ENTREP2: variants seen among roughly 807,000 people sequenced by gnomAD.
The protein encoded by ENTREP2 is endosomal transmembrane epsin interactor 2, also known as protein ENTREP2.
chr15:29,672,910 A>G, the ENTREP2 span, among the ~76,000 whole-genome samples: 1 of 151,934 alleles, frequency 6.6e-6, no homozygotes, highest in Non-Finnish European at 1.5e-5. Flanking sequence ...CAAGTTGGTG[A>G]CTCCATAGGC....
the ENTREP2 span, among the ~76,000 whole-genome samples, chr15:29,171,861 T>C: frequency 6.6e-6 from 1 of 152,214 alleles, no homozygotes; most frequent in East Asian, 1.9e-4. Context: ...CCTAGAATCT[T>C]TTTTCATGAG....
chr15:29,546,274 AG>A, the ENTREP2 span, among the ~76,000 whole-genome samples: 2 of 152,240 alleles, frequency 1.3e-5, no homozygotes, highest in African/African-American at 4.8e-5. Context: ...ACACAGTGGA[AG>A]GAAAGCAATG....
At chr15:29,248,230 G>A in the ENTREP2 span, among the ~76,000 whole-genome samples, 4 of 151,864 alleles carry the variant, frequency 2.6e-5, no homozygotes, top group East Asian at 7.7e-4. Context: ...ATACTAAAGA[G>A]TTAACTATAT....
chr15:29,496,179 CTTAAT>C, the ENTREP2 span, among the ~76,000 whole-genome samples: 2,054 of 151,632 alleles, frequency 0.014, 41 homozygotes, highest in African/African-American at 0.047. Context: ...AGACTGATTT[CTTAAT>C]TTCTTTTTCT....
chr15:29,333,009 T>C, the ENTREP2 span, among the ~76,000 whole-genome samples: 1 of 150,956 alleles, frequency 6.6e-6, no homozygotes, highest in African/African-American at 2.4e-5. Context: ...AGCATGAGTC[T>C]TTCTAAAGTG....
At chr15:29,227,626 T>G in the ENTREP2 span, among the ~76,000 whole-genome samples, 1 of 151,370 alleles carries the variant, frequency 6.6e-6, no homozygotes, top group East Asian at 2.0e-4. Context: ...TAAATCTGCT[T>G]CCCCCACACC....
At chr15:29,377,319 T>G in the ENTREP2 span, among the ~76,000 whole-genome samples, 1 of 152,082 alleles carries the variant, frequency 6.6e-6, no homozygotes, top group East Asian at 1.9e-4. Context: ...TGGGAAACCA[T>G]GAAGGGCTTA....
At chr15:29,516,949 A>G in the ENTREP2 span, among the ~76,000 whole-genome samples, 4 of 148,940 alleles carry the variant, frequency 2.7e-5, no homozygotes, top group African/African-American at 5.0e-5. Flanking sequence ...GAATTTAAGG[A>G]AATAAAACAA....
the ENTREP2 span, among the ~76,000 whole-genome samples, chr15:29,594,018 G>A: frequency 6.6e-6 from 1 of 152,110 alleles, no homozygotes; most frequent in Non-Finnish European, 1.5e-5. Context: ...TATGGTGGGG[G>A]AAACTGGATG....
At chr15:29,328,740 G>A in the ENTREP2 span, among the ~76,000 whole-genome samples, 1 of 152,186 alleles carries the variant, frequency 6.6e-6, no homozygotes, top group East Asian at 1.9e-4. Flanking sequence ...GCTGGAGTGG[G>A]AACAGGGGAG....
chr15:29,326,310 T>C, the ENTREP2 span, among the ~76,000 whole-genome samples: 1 of 152,196 alleles, frequency 6.6e-6, no homozygotes, highest in Non-Finnish European at 1.5e-5. Context: ...AATGATATGA[T>C]TGTTCATGTA....
the ENTREP2 span, among the ~76,000 whole-genome samples, chr15:29,215,444 C>G: frequency 0.067 from 10,156 of 152,104 alleles, 1,174 homozygotes; most frequent in African/African-American, 0.23. Context: ...CTGGATGCTT[C>G]CTGCCCTCAA....
chr15:29,221,136 T>C, the ENTREP2 span, among the ~76,000 whole-genome samples: 1 of 152,088 alleles, frequency 6.6e-6, no homozygotes, highest in Non-Finnish European at 1.5e-5. Context: ...AAAGCATGTC[T>C]TCCTAGGACA....
chr15:29,648,399 C>T, the ENTREP2 span, among the ~76,000 whole-genome samples: 1 of 152,192 alleles, frequency 6.6e-6, no homozygotes, highest in African/African-American at 2.4e-5. Flanking sequence ...CTCTGCAAGC[C>T]CATTAGCTCA....
the ENTREP2 span, among the ~76,000 whole-genome samples, chr15:29,649,910 G>A: frequency 2.0e-5 from 3 of 152,036 alleles, no homozygotes; most frequent in South Asian, 6.2e-4. Context: ...TTCTACCACG[G>A]ATAAGAGTTG....
the ENTREP2 span, among the ~76,000 whole-genome samples, chr15:29,366,438 T>A: frequency 1.8e-4 from 28 of 152,320 alleles, no homozygotes; most frequent in East Asian, 5.4e-3. Context: ...AAGTATAATT[T>A]ACATAAAAGA....
the ENTREP2 span, among the ~76,000 whole-genome samples, chr15:29,236,800 G>C: frequency 1.3e-5 from 2 of 151,810 alleles, no homozygotes; most frequent in South Asian, 2.1e-4. Context: ...CCAGAAACTA[G>C]AAGTGAAGAC....
At chr15:29,281,665 C>A in the ENTREP2 span, among the ~76,000 whole-genome samples, 1 of 152,186 alleles carries the variant, frequency 6.6e-6, no homozygotes, top group Non-Finnish European at 1.5e-5. Context: ...GCGGCAACCC[C>A]GCTCTGGACT....
chr15:29,451,144 G>A, the ENTREP2 span, among the ~76,000 whole-genome samples: 1 of 152,180 alleles, frequency 6.6e-6, no homozygotes, highest in Non-Finnish European at 1.5e-5. Context: ...ATAAGTAAGA[G>A]TAACTGTCCA....
Sources: gnomAD v4.1 joint callset for allele counts (sites outside exome capture counted in the v4.1 genomes callset) on GRCh38, gnomAD v4.1.1 for gene constraint, MANE v1.5 for transcripts, NCBI Gene and HGNC (gene_info 2026-07-23, HGNC 2026-07-21) for gene names.